Variants in CNTNAP2 observed in about 807,000 individuals in gnomAD.
CNTNAP2 encodes the protein contactin-associated protein-like 2.
Under a neutral mutation model 155.2 loss-of-function variants are expected in CNTNAP2, and 98 were observed. The observed-to-expected ratio is 0.63, with a 90% CI of 0.54 to 0.75. The LOEUF (loss-of-function observed/expected upper bound fraction) is 0.75, where lower values mean the gene tolerates loss of function less well. Among genes scored for constraint, CNTNAP2 ranks in the 30% least tolerant of loss-of-function variants. The pLI, the probability that CNTNAP2 is intolerant of heterozygous loss-of-function variation, is 0.00. For missense variants in CNTNAP2, 1,727 were observed against 1,688.1 expected (o/e 1.02, Z -0.40); for synonymous variants, 651 against 631.2 (o/e 1.03, Z -0.47).
rs149559209 is a variant in CNTNAP2 at position 147,219,526 on chromosome 7, C to T, written c.1349-80615C>T. 2.6e-3 allele frequency among the ~76,000 whole-genome samples: 392 copies of T among 152,244 alleles called. 3 individuals carry two copies. Among genetic ancestry groups the T allele is most frequent in the African/African-American group, 8.9e-3 (370 of 41,550 alleles). On this transcript the variant is annotated intron_variant, in intron 8 of 23. Coordinates refer to ENST00000361727, the MANE Select transcript of CNTNAP2 (RefSeq NM_014141.6). ...GAAGACTAAGCACACCTCTTCATTC[C>T]ACTTTCTTTTGCCTGCTTTATTCTA...
At chr7:148,326,107 G>A (rs80285178) in intron 21 of CNTNAP2, among the ~76,000 whole-genome samples, 2,978 of 151,540 alleles carry the variant, frequency 0.02, 99 homozygotes, top group African/African-American at 0.068. Flanking sequence ...GCACCCAAGA[G>A]AGCCTGTTTC....
chr7:146,802,491 T>A (rs927243811), intron 2 of CNTNAP2, among the ~76,000 whole-genome samples: 3 of 152,156 alleles, frequency 2.0e-5, no homozygotes, highest in Admixed American at 6.5e-5. Context: ...GGGAGGGACC[T>A]GGTAGGAGAT....
chr7:147,637,262 T>C (rs972392344), intron 12 of CNTNAP2, among the ~76,000 whole-genome samples: 1 of 152,102 alleles, frequency 6.6e-6, no homozygotes, highest in African/African-American at 2.4e-5. Context: ...AGCAGCAGAC[T>C]GGTTAGGAAT....
intron 13 of CNTNAP2, among the ~76,000 whole-genome samples, chr7:147,746,128 C>G (rs906525030): frequency 3.3e-5 from 5 of 152,188 alleles, no homozygotes; most frequent in Non-Finnish European, 7.3e-5. Context: ...CCTTTACGTG[C>G]TTCCTTCTGT....
intron 1 of CNTNAP2, among the ~76,000 whole-genome samples, chr7:146,616,099 AAG>A (rs1277695299): frequency 3.3e-5 from 5 of 152,190 alleles, no homozygotes. Context: ...AAAATATAGA[AAG>A]AGAATCTAGA....
intron 21 of CNTNAP2, among the ~76,000 whole-genome samples, chr7:148,273,709 T>A (rs1433384654): frequency 6.6e-6 from 1 of 152,130 alleles, no homozygotes; most frequent in African/African-American, 2.4e-5. Flanking sequence ...ATGTCTGGGG[T>A]GGTAAAAATA....
rs1803882912 is a variant in CNTNAP2 at position 147,239,217 on chromosome 7, C to T, written c.1349-60924C>T. 2.0e-5 allele frequency among the ~76,000 whole-genome samples: 3 copies of T among 151,806 alleles called. No individual in the cohort carries two copies. The South Asian group carries it at 6.2e-4, about 31-fold the overall frequency. ...CTTTTTTTGAGTTTACATCTCAAAA[C>T]CTGCTCACTTTCGGGTGTGGTGGCT... is the stretch of plus-strand genomic sequence containing the variant. On this transcript the variant is annotated intron_variant, in intron 8 of 23. Coordinates refer to ENST00000361727, the MANE Select transcript of CNTNAP2 (RefSeq NM_014141.6).
Position 146,875,948 on chromosome 7 carries a change from A to C in CNTNAP2, c.402+36044A>C, listed in dbSNP as rs529219034. Among the ~76,000 whole-genome samples, 784 of 140,388 alleles carry C rather than the reference A, an allele frequency of 5.6e-3. 13 individuals are homozygous for C. The highest frequency in any genetic ancestry group is 0.019 in the African/African-American group (686 of 36,360). The allele number at this position is 140,388 out of a possible 152,430, so 92.1% of individuals were successfully genotyped here. A position where few individuals can be genotyped will look rare whatever the true frequency, so the allele number is the denominator to read the frequency against. On this transcript the variant is annotated intron_variant, in intron 3 of 23. Coordinates refer to ENST00000361727, the MANE Select transcript of CNTNAP2 (RefSeq NM_014141.6). ...CACATACACAGCAAAAAAAAAAAAA[A>C]AAAAAAAAAAAAACAAAAAACAAAA...
At chr7:146,905,685 G>T (rs895744981) in intron 3 of CNTNAP2, among the ~76,000 whole-genome samples, 13 of 152,178 alleles carry the variant, frequency 8.5e-5, no homozygotes, top group African/African-American at 3.1e-4. Context: ...TAAAGCATGG[G>T]ACCTCAGTGG....
intron 1 of CNTNAP2, among the ~76,000 whole-genome samples, chr7:146,538,912 C>T (rs1309634173): frequency 6.6e-6 from 1 of 152,004 alleles, no homozygotes; most frequent in Non-Finnish European, 1.5e-5. Context: ...GTACAAGTGA[C>T]ATGAAATAAG....
At position 148,247,686 on chromosome 7, in the gene CNTNAP2, C is replaced by T. The variant is rs890038651; in HGVS notation, c.3381+17907C>T. ...TTATTTTTTTGGAGATAGAGTCCCA[C>T]TCTGTCGCCCAGGCTGGAGTGTAGT... is the stretch of plus-strand genomic sequence containing the variant. On this transcript the variant is annotated intron_variant, in intron 20 of 23. Coordinates refer to ENST00000361727, the MANE Select transcript of CNTNAP2 (RefSeq NM_014141.6). Among the ~76,000 whole-genome samples the T allele has an allele frequency of 5.4e-5, 8 of 148,146 alleles. No individual in the cohort carries two copies. In the East Asian group the frequency reaches 1.2e-3, roughly 22 times the overall value.
chr7:147,630,345 CA>C (rs964719637), intron 12 of CNTNAP2, among the ~76,000 whole-genome samples: 2 of 79,194 alleles, frequency 2.5e-5, no homozygotes, highest in Non-Finnish European at 5.8e-5. Context: ...AAAAAGCCAA[CA>C]AAAAAGTCCA....
intron 1 of CNTNAP2, among the ~76,000 whole-genome samples, chr7:146,282,708 C>T (rs1046888031): frequency 6.6e-6 from 1 of 152,090 alleles, no homozygotes; most frequent in African/African-American, 2.4e-5. Context: ...TAAAGGTAGG[C>T]TACAGTTTTA....
intron 3 of CNTNAP2, among the ~76,000 whole-genome samples, chr7:146,916,068 G>C (rs1202374071): frequency 6.6e-6 from 1 of 152,132 alleles, no homozygotes; most frequent in Non-Finnish European, 1.5e-5. Context: ...TGCATCTATT[G>C]AGATGATCAT....
chr7:148,149,337 A>G (rs982992299), intron 17 of CNTNAP2, among the ~76,000 whole-genome samples: 2 of 151,828 alleles, frequency 1.3e-5, no homozygotes, highest in African/African-American at 4.8e-5. Context: ...CCCAATAATA[A>G]CTTAAGAAAA....
intron 1 of CNTNAP2, among the ~76,000 whole-genome samples, chr7:146,735,174 AC>A (rs1219207272): frequency 1.3e-5 from 2 of 152,188 alleles, no homozygotes; most frequent in Non-Finnish European, 2.9e-5. Flanking sequence ...TTGTAATTTT[AC>A]CATTCAGTGA....
At chr7:147,737,740 G>A (rs908327163) in intron 13 of CNTNAP2, among the ~76,000 whole-genome samples, 2 of 152,118 alleles carry the variant, frequency 1.3e-5, no homozygotes, top group Non-Finnish European at 2.9e-5. Context: ...CCCCAGCCTC[G>A]CTGCTGCCTT....
intron 8 of CNTNAP2, among the ~76,000 whole-genome samples, chr7:147,166,092 CA>C (rs1802107834): frequency 6.6e-6 from 1 of 152,012 alleles, no homozygotes; most frequent in Admixed American, 6.6e-5. Flanking sequence ...AAGTTTATAG[CA>C]ACAAAATTCA....
Position 146,208,239 on chromosome 7 carries a change from G to A in CNTNAP2, c.97+91266G>A, listed in dbSNP as rs1007385886. Among the ~76,000 whole-genome samples, 3 of 151,882 alleles carry A rather than the reference G, an allele frequency of 2.0e-5. No individual in the cohort carries two copies. The East Asian group carries it at 5.8e-4, about 29-fold the overall frequency. On this transcript the variant is annotated intron_variant, in intron 1 of 23. Transcript: ENST00000361727. ...TTAATTTATGAATAAAAACTGCTAG[G>A]CATTAAAAGTTATTTCCTGAATTAT...
Sources: allele counts gnomAD v4.1 joint callset (sites outside exome capture counted in the v4.1 genomes callset), GRCh38; gene constraint gnomAD v4.1.1; transcripts MANE v1.5; gene names NCBI Gene and HGNC (gene_info 2026-07-23, HGNC 2026-07-21).